AZIN2: variants seen among roughly 807,000 people sequenced by gnomAD.
The protein encoded by AZIN2 is ODC antizyme inhibitor-2.
A neutral mutation model predicts 47.8 loss-of-function variants in AZIN2; 28 were observed. The ratio of observed to expected loss-of-function variants is 0.59; its 90% CI spans 0.43 to 0.80. The LOEUF (loss-of-function observed/expected upper bound fraction) is 0.80. Among genes scored for constraint, AZIN2 ranks in the 30% least tolerant of loss-of-function variants. AZIN2 has a pLI of 0.00. For missense variants in AZIN2, 535 were observed against 582.5 expected, an observed-to-expected ratio of 0.92 and a Z score of 0.84; for synonymous variants, 221 against 239.4, an observed-to-expected ratio of 0.92 and a Z score of 0.71.
the AZIN2 span, chr1:33,147,127 T>C: frequency 6.3e-7 from 1 of 1,583,366 alleles, no homozygotes; most frequent in Non-Finnish European, 8.6e-7. The surrounding 1 kb of genome is among the most constrained non-coding windows in gnomAD (Gnocchi z 8.1). Flanking sequence ...TGGGCAGGGC[T>C]CTTGCAGGTG....
chr1:33,085,932 G>A (rs1474045479), intron 5 of AZIN2, among the ~76,000 whole-genome samples: 4 of 152,132 alleles, frequency 2.6e-5, no homozygotes, highest in South Asian at 2.1e-4. Flanking sequence ...GCCTCCACGT[G>A]GGATGAAAAG....
chr1:33,126,393 G>A (rs1644856939), downstream of AZIN2, among the ~76,000 whole-genome samples: 4 of 152,222 alleles, frequency 2.6e-5, no homozygotes, highest in South Asian at 4.1e-4. Flanking sequence ...GTCTTCCTGC[G>A]TATCTAATCC....
the AZIN2 span, chr1:33,165,089 G>C: frequency 1.8e-5 from 3 of 167,380 alleles, no homozygotes; most frequent in East Asian, 5.1e-4. This position sits in a 1 kb window ranked among gnomAD's most constrained non-coding sequence, Gnocchi z 4.0. Flanking sequence ...ACAACACCAG[G>C]GTTGGGCGGT....
Position 33,120,803 on chromosome 1 carries a change from C to A in AZIN2, c.*621C>A, listed in dbSNP as rs1322670899. ...GTGAATGGCCTTTGGGTCAGCCCAA[C>A]ACCCAGCTTAAGGCCTGGCCCAGAG... is the stretch of plus-strand genomic sequence containing the variant. On this transcript the variant is annotated 3_prime_UTR_variant, in exon 12 of 12. Transcript: ENST00000294517. Among the ~76,000 whole-genome samples, 1 of 152,246 alleles carries A rather than the reference C, an allele frequency of 6.6e-6. No homozygotes were observed. Among genetic ancestry groups the A allele is most frequent in the Non-Finnish European group, 1.5e-5 (1 of 68,042 alleles).
At chr1:33,090,563 G>C (rs762820636) in intron 5 of AZIN2, among the ~76,000 whole-genome samples, 1 of 152,138 alleles carries the variant, frequency 6.6e-6, no homozygotes, top group South Asian at 2.1e-4. Context: ...CACCAGCAGT[G>C]CTTTTGTTAT....
chr1:33,145,224 G>C, the AZIN2 span, among the ~76,000 whole-genome samples: 2 of 152,126 alleles, frequency 1.3e-5, no homozygotes, highest in African/African-American at 4.8e-5. Flanking sequence ...ATGGGATATG[G>C]GACCCCAGGT....
the AZIN2 span, among the ~76,000 whole-genome samples, chr1:33,136,146 C>G: frequency 6.7e-6 from 1 of 148,404 alleles, no homozygotes; most frequent in Non-Finnish European, 1.5e-5. Context: ...TTCCTTCCTT[C>G]CTTCCTTCCT....
chr1:33,123,019 G>A lies in AZIN2; in HGVS notation c.*2837G>A, dbSNP rs150981747. Among the ~76,000 whole-genome samples the A allele has an allele frequency of 5.9e-4, 90 of 152,118 alleles. No individual in the cohort carries two copies. Among genetic ancestry groups the A allele is most frequent in the Middle Eastern group, 6.8e-3 (2 of 292 alleles). On this transcript the variant is annotated 3_prime_UTR_variant, in exon 12 of 12. Coordinates refer to ENST00000294517, the MANE Select transcript of AZIN2 (RefSeq NM_052998.4). ...TCTGACTCCCACACTTCCCTCTCAC[G>A]CACTGGGTCCTGGCCACACTGGCCT...
At chr1:33,116,901 C>T (rs1644569253) in intron 10 of AZIN2, among the ~76,000 whole-genome samples, 1 of 152,124 alleles carries the variant, frequency 6.6e-6, no homozygotes, top group African/African-American at 2.4e-5. Flanking sequence ...AACTGGAGCA[C>T]AGCAAGTGCA....
At chr1:33,136,684 C>T in the AZIN2 span, among the ~76,000 whole-genome samples, 2 of 151,290 alleles carry the variant, frequency 1.3e-5, no homozygotes, top group African/African-American at 4.8e-5. Flanking sequence ...GGGCTGTTTC[C>T]GGTTCCCCAA....
At chr1:33,098,771 T>TC (rs1287731336) in intron 10 of AZIN2, among the ~76,000 whole-genome samples, 2 of 146,470 alleles carry the variant, frequency 1.4e-5, no homozygotes, top group South Asian at 2.2e-4. Context: ...TCTCTCTCTC[T>TC]TTTTTTTTTT....
chr1:33,146,075 G>T, the AZIN2 span: 8 of 351,692 alleles, frequency 2.3e-5, no homozygotes, highest in South Asian at 1.3e-4. Flanking sequence ...TCCTGCAGAT[G>T]GGGGCAGCTT....
chr1:33,142,095 G>A, the AZIN2 span: 1 of 152,244 alleles, frequency 6.6e-6, no homozygotes, highest in South Asian at 2.1e-4. Flanking sequence ...CAACACCTTT[G>A]TTAGTACTCC....
At chr1:33,147,966 T>C in the AZIN2 span, among the ~76,000 whole-genome samples, 1 of 152,178 alleles carries the variant, frequency 6.6e-6, no homozygotes, top group Admixed American at 6.5e-5. This position sits in a 1 kb window ranked among gnomAD's most constrained non-coding sequence, Gnocchi z 8.1. Flanking sequence ...CAGCTGCTTG[T>C]TCACTGCCTG....
At chr1:33,161,161 G>A in the AZIN2 span, among the ~76,000 whole-genome samples, 66 of 152,348 alleles carry the variant, frequency 4.3e-4, no homozygotes, top group Admixed American at 9.1e-4. The surrounding 1 kb of genome is among the most constrained non-coding windows in gnomAD (Gnocchi z 4.3). Context: ...ACTCCAAGGC[G>A]CAGAGAAAGA....
chr1:33,101,757 T>C, intron 10 of AZIN2: 1 of 706,414 alleles, frequency 1.4e-6, no homozygotes, highest in South Asian at 1.5e-5. Flanking sequence ...TAATTTATTA[T>C]ATTTGTTTTT....
At chr1:33,125,848 T>C (rs559941921), downstream of AZIN2, among the ~76,000 whole-genome samples, 9 of 152,284 alleles carry the variant, frequency 5.9e-5, no homozygotes, top group African/African-American at 2.2e-4. Flanking sequence ...AATGTAATGT[T>C]CTCAGTGAGA....
rs755407348 is a variant in AZIN2 at position 33,113,739 on chromosome 1, G to C, written c.1030-4163G>C. ...GTTTCTCCATTTGGAAAATGACAGG[G>C]CTGAACTTCAGTGTATCTCAATGAA... On this transcript the variant is annotated intron_variant, in intron 10 of 11. Transcript: ENST00000294517. The surrounding 1 kb of genome is among the most constrained non-coding windows in gnomAD (Gnocchi z 4.1). Among the ~76,000 whole-genome samples, 2 of 152,164 alleles carry C rather than the reference G, an allele frequency of 1.3e-5. No homozygotes were observed. The highest frequency in any genetic ancestry group is 2.9e-5 in the Non-Finnish European group (2 of 68,030).
At chr1:33,133,953 C>T in the AZIN2 span, among the ~76,000 whole-genome samples, 1 of 152,232 alleles carries the variant, frequency 6.6e-6, no homozygotes, top group Non-Finnish European at 1.5e-5. Flanking sequence ...TTATCTTACT[C>T]AACCTGGCGA....
Sources: gnomAD v4.1 joint callset for allele counts (sites outside exome capture counted in the v4.1 genomes callset) on GRCh38, gnomAD v4.1.1 for gene constraint, Gnocchi (gnomAD v3.1) non-coding constraint, MANE v1.5 for transcripts, NCBI Gene and HGNC (gene_info 2026-07-23, HGNC 2026-07-21) for gene names.